Variants in GEMIN5 observed in about 807,000 individuals in gnomAD.
GEMIN5 encodes gem nuclear organelle associated protein 5.
GEMIN5 carries 124 observed loss-of-function variants against 176.9 expected under a neutral mutation model. That is an observed-to-expected ratio of 0.70 (90% CI 0.61 to 0.81). GEMIN5 has a LOEUF of 0.81. Ranked by LOEUF, GEMIN5 falls within the 40% of genes least tolerant of loss-of-function variation. The probability of loss-of-function intolerance (pLI) is 0.00; values close to 1 mark genes in which losing one functional copy is unlikely to be tolerated. For synonymous variants in GEMIN5, 673 were observed against 665.2 expected, an observed-to-expected ratio of 1.01 and a Z score of -0.18; for missense variants, 1,843 against 1,814.6, an observed-to-expected ratio of 1.02 and a Z score of -0.28.
At chr5:154,928,150 G>T (rs1764084802) in intron 6 of GEMIN5, among the ~76,000 whole-genome samples, 1 of 152,180 alleles carries the variant, frequency 6.6e-6, no homozygotes. Flanking sequence ...GGTAGTCAAT[G>T]AACTTTGTTT....
chr5:154,930,540 C>G (rs1168684484), intron 5 of GEMIN5, among the ~76,000 whole-genome samples: 1 of 152,130 alleles, frequency 6.6e-6, no homozygotes, highest in Non-Finnish European at 1.5e-5. Flanking sequence ...ACATACGGTA[C>G]CAACATCAAT....
rs750422398 is a variant in GEMIN5, at chr5:154,891,468, G to T, written c.4035C>A (p.Leu1345=). 1.2e-6 allele frequency: 2 copies of T among 1,614,160 alleles called. No homozygotes were observed. The highest frequency in any genetic ancestry group is 1.1e-5 in the South Asian group (1 of 91,082). Residue 1345 remains leucine (L), a synonymous_variant, in exon 26 of 28, where the codon CTC becomes CTA. Coordinates refer to ENST00000285873, the MANE Select transcript of GEMIN5 (RefSeq NM_015465.5). The stretch of plus-strand genomic sequence containing the variant: ...TCAGCATTCGCTCACCTTCTTCTGT[G>T]AGTCTCAAGTCTAGTTCTGAAGGCC... ...PNRPSELDLR[L]TEEGERMLST...
intron 8 of GEMIN5, among the ~76,000 whole-genome samples, chr5:154,924,870 T>C (rs1763996995): frequency 6.6e-6 from 1 of 151,924 alleles, no homozygotes; most frequent in Non-Finnish European, 1.5e-5. Context: ...GCGCCTGTAG[T>C]CCCAGCTACT....
At chr5:154,929,758 C>T (rs1481357701) in intron 5 of GEMIN5, among the ~76,000 whole-genome samples, 1 of 152,218 alleles carries the variant, frequency 6.6e-6, no homozygotes, top group South Asian at 2.1e-4. Flanking sequence ...AAAGTTCTGT[C>T]TTCCCAAATT....
intron 15 of GEMIN5, among the ~76,000 whole-genome samples, chr5:154,911,282 T>C (rs1189286595): frequency 1.3e-5 from 2 of 152,002 alleles, no homozygotes; most frequent in Non-Finnish European, 2.9e-5. Flanking sequence ...GGGAGGTTGA[T>C]AGGCAGATCA....
At chr5:154,921,252 C>G (rs944873660) in intron 10 of GEMIN5, 91 bp downstream of exon 10, 4 of 750,880 alleles carry the variant, frequency 5.3e-6, no homozygotes, top group Non-Finnish European at 9.6e-6. Flanking sequence ...GTGCACTAGA[C>G]CATTTATGAC....
At chr5:154,935,498 G>GACCCAGC (rs1292775621) in intron 3 of GEMIN5, among the ~76,000 whole-genome samples, 1 of 152,224 alleles carries the variant, frequency 6.6e-6, no homozygotes, top group Non-Finnish European at 1.5e-5. Context: ...GAACTAGAGA[G>GACCCAGC]ACCCAGCAAA....
intron 24 of GEMIN5, among the ~76,000 whole-genome samples, chr5:154,894,329 G>T (rs1297529712): frequency 1.3e-5 from 2 of 152,146 alleles, no homozygotes; most frequent in African/African-American, 2.4e-5. Context: ...GGACATTTGG[G>T]TTGTTTCTAG....
chr5:154,915,331 T>A (rs1294103961), intron 13 of GEMIN5, among the ~76,000 whole-genome samples: 7 of 152,244 alleles, frequency 4.6e-5, no homozygotes, highest in Non-Finnish European at 8.8e-5. Context: ...TGAGAGCACA[T>A]GTTTTATAGC....
intron 24 of GEMIN5, among the ~76,000 whole-genome samples, chr5:154,895,529 T>A (rs1330105445): frequency 6.6e-6 from 1 of 152,094 alleles, no homozygotes; most frequent in Non-Finnish European, 1.5e-5. Flanking sequence ...AGTGAAGGGC[T>A]GAGGAAAGGA....
intron 9 of GEMIN5, among the ~76,000 whole-genome samples, chr5:154,923,645 A>T (rs767123788): frequency 2.6e-5 from 4 of 152,240 alleles, no homozygotes; most frequent in Non-Finnish European, 5.9e-5. Context: ...GTCATAAAAC[A>T]TTCTTTTGAT....
At position 154,932,243 on chromosome 5, in the gene GEMIN5, C is replaced by T. The variant is rs1764184310; in HGVS notation, c.517G>A (p.Asp173Asn). 7 of 1,602,118 alleles carry T rather than the reference C, an allele frequency of 4.4e-6. No individual in the cohort carries two copies. Among genetic ancestry groups the T allele is most frequent in the Non-Finnish European group, 6.0e-6 (7 of 1,172,610 alleles). The part of the protein sequence containing the change: ...HEDLVAIGYK[D>N]GIVVIIDISK... ...ATGTCAATTATCACCACTATGCCAT[C>T]CTTGTAGCTAAAAAACAAGAGTTAG... Residue 173 changes from aspartate to asparagine, a missense_variant, in exon 4 of 28, where the codon GAT (aspartate) becomes AAT (asparagine). By Grantham distance (23) the Asp-to-Asn change is conservative. Coordinates refer to ENST00000285873, the MANE Select transcript of GEMIN5 (RefSeq NM_015465.5).
At chr5:154,890,942 G>A (rs1362678111) in intron 26 of GEMIN5, among the ~76,000 whole-genome samples, 1 of 152,014 alleles carries the variant, frequency 6.6e-6, no homozygotes, top group Non-Finnish European at 1.5e-5. Context: ...TTTTAGTAGA[G>A]ACGGGGTTTC....
intron 23 of GEMIN5, among the ~76,000 whole-genome samples, chr5:154,897,292 A>C (rs1763370466): frequency 6.6e-6 from 1 of 152,214 alleles, no homozygotes; most frequent in Admixed American, 6.5e-5. Flanking sequence ...TTAGAGAATG[A>C]AGAACTTAAA....
intron 1 of GEMIN5, among the ~76,000 whole-genome samples, chr5:154,937,683 G>A (rs531925768): frequency 3.3e-5 from 5 of 152,350 alleles, no homozygotes; most frequent in Admixed American, 3.3e-4. Flanking sequence ...CGCGCACCAG[G>A]CTGGGCAGGG....
Position 154,927,441 on chromosome 5 carries a change from G to T in GEMIN5, c.1024C>A (p.Pro342Thr). 1.3e-6 allele frequency: 2 copies of T among 1,595,534 alleles called. No homozygotes were observed. The highest frequency in any genetic ancestry group is 1.7e-6 in the Non-Finnish European group (2 of 1,163,000). ...TGTTTGTCATCCTCTGTTTGTAAAGGACATAAATTAAACACAATTCTTGAA... is the reference window on the plus strand; with the variant it reads ...TGTTTGTCATCCTCTGTTTGTAAAGTACATAAATTAAACACAATTCTTGAA... ...NHSRIVFNLCPLQTEDDKQLL... is the reference protein window; with the variant it reads ...NHSRIVFNLCTLQTEDDKQLL... The change falls in exon 7 of 28, where the codon CCT (proline) becomes ACT (threonine). Residue 342 changes from proline to threonine, a missense_variant. Coordinates refer to ENST00000285873, the MANE Select transcript of GEMIN5 (RefSeq NM_015465.5).
intron 9 of GEMIN5, among the ~76,000 whole-genome samples, chr5:154,923,267 C>T (rs1475957108): frequency 2.0e-5 from 3 of 152,066 alleles, no homozygotes; most frequent in East Asian, 3.9e-4. Flanking sequence ...GTAATCCCAG[C>T]TACTCAGGAG....
intron 13 of GEMIN5, among the ~76,000 whole-genome samples, chr5:154,916,050 T>C (rs1049898986): frequency 1.3e-5 from 2 of 152,162 alleles, no homozygotes; most frequent in Non-Finnish European, 2.9e-5. Flanking sequence ...AACTGTTTTT[T>C]TTTTAATTTT....
intron 14 of GEMIN5, 92 bp downstream of exon 14, chr5:154,912,807 G>T: frequency 9.2e-7 from 1 of 1,081,290 alleles, no homozygotes; most frequent in Non-Finnish European, 1.3e-6. Context: ...GATAATGGGG[G>T]AGGGGGAACC....
Sources: allele counts gnomAD v4.1 joint callset (sites outside exome capture counted in the v4.1 genomes callset), GRCh38; gene constraint gnomAD v4.1.1; transcripts MANE v1.5; gene names NCBI Gene and HGNC (gene_info 2026-07-23, HGNC 2026-07-21).